Variants in FAF1 observed in about 807,000 individuals in gnomAD.
FAF1 encodes the protein Fas associated factor 1, also known as FAS-associated factor 1.
In FAF1, 25 loss-of-function variants were observed where a neutral mutation model predicts 92.5. The observed-to-expected ratio is 0.27, with a 90% CI of 0.20 to 0.38. The LOEUF (loss-of-function observed/expected upper bound fraction) is 0.38. Ranked by LOEUF, FAF1 falls within the 10% of genes least tolerant of loss-of-function variation. FAF1 has a pLI of 1.00. For synonymous variants in FAF1, 234 were observed against 273.2 expected (o/e 0.86, Z 1.42); for missense variants, 636 against 793.3 (o/e 0.80, Z 2.38).
intron 2 of FAF1, among the ~76,000 whole-genome samples, chr1:50,815,427 A>C (rs1052763841): frequency 1.3e-4 from 20 of 152,158 alleles, no homozygotes; most frequent in Non-Finnish European, 2.6e-4. Flanking sequence ...ATAATATCCC[A>C]TGGTGTATAT....
rs972062936 is a variant in FAF1, at chr1:50,440,570, G to A, written c.*870C>T. ...AGTGACAAGGTCCAAATGTGTGAGG[G>A]AGTAGAGAGAGAGAAAGCAAGAGAG... On this transcript the variant is annotated 3_prime_UTR_variant, in exon 19 of 19. Transcript: ENST00000396153. The A allele has an allele frequency of 6.6e-6, 1 of 152,266 alleles. No individual in the cohort carries two copies. Among genetic ancestry groups the A allele is most frequent in the African/African-American group, 2.4e-5 (1 of 41,472 alleles). The allele number at this position is 152,266 out of a possible 1,614,324, so 9.4% of individuals were successfully genotyped here.
At chr1:50,604,996 A>T (rs1172893858) in intron 8 of FAF1, among the ~76,000 whole-genome samples, 1 of 152,200 alleles carries the variant, frequency 6.6e-6, no homozygotes, top group Non-Finnish European at 1.5e-5. Flanking sequence ...GACTCTCAAA[A>T]TCAAGGAGAA....
intron 1 of FAF1, among the ~76,000 whole-genome samples, chr1:50,879,393 T>A (rs1325490347): frequency 6.6e-6 from 1 of 152,192 alleles, no homozygotes; most frequent in Non-Finnish European, 1.5e-5. Context: ...GATGACCATA[T>A]ATTCCCTATA....
intron 15 of FAF1, among the ~76,000 whole-genome samples, chr1:50,498,363 T>C (rs1051937597): frequency 6.6e-6 from 1 of 152,312 alleles, no homozygotes; most frequent in Non-Finnish European, 1.5e-5. Context: ...ATGATTTCTT[T>C]AGTACGTCAT....
At chr1:50,887,266 C>T (rs1644674223) in intron 1 of FAF1, among the ~76,000 whole-genome samples, 1 of 152,146 alleles carries the variant, frequency 6.6e-6, no homozygotes, top group African/African-American at 2.4e-5. Flanking sequence ...TTTGTAGGTT[C>T]TGGATATTAG....
intron 8 of FAF1, among the ~76,000 whole-genome samples, chr1:50,633,295 A>G (rs1245775047): frequency 6.6e-6 from 1 of 152,202 alleles, no homozygotes; most frequent in Admixed American, 6.5e-5. Context: ...GCGAACATGT[A>G]TTGATTCTTT....
At chr1:50,584,889 A>G in intron 9 of FAF1, 78 bp from the exon 10 acceptor site, 1 of 1,298,528 alleles carries the variant, frequency 7.7e-7, no homozygotes, top group Non-Finnish European at 1.1e-6. Context: ...AATAATAACA[A>G]CAGGACATAA....
At chr1:50,452,029 G>GACAATAT in intron 18 of FAF1, 1 of 1,279,040 alleles carries the variant, frequency 7.8e-7, no homozygotes, top group Non-Finnish European at 1.0e-6. Context: ...TATAAGTGGG[G>GACAATAT]AAGGCCCAGA....
intron 8 of FAF1, among the ~76,000 whole-genome samples, chr1:50,639,091 C>T (rs1440044587): frequency 6.6e-6 from 1 of 152,150 alleles, no homozygotes; most frequent in Non-Finnish European, 1.5e-5. Flanking sequence ...AGTCTTTGTG[C>T]CTGTCATCAT....
intron 17 of FAF1, among the ~76,000 whole-genome samples, chr1:50,481,569 A>G (rs563709745): frequency 1.5e-4 from 23 of 152,296 alleles, no homozygotes; most frequent in African/African-American, 5.1e-4. Flanking sequence ...ATGTTTGTGT[A>G]AGTAAAGTCT....
At chr1:50,831,145 T>A (rs1355184928) in intron 2 of FAF1, among the ~76,000 whole-genome samples, 1 of 151,936 alleles carries the variant, frequency 6.6e-6, no homozygotes, top group Non-Finnish European at 1.5e-5. Context: ...ATTTTTTTTT[T>A]AAAGTTCCTA....
intron 8 of FAF1, among the ~76,000 whole-genome samples, chr1:50,624,897 C>CT (rs34177866): frequency 0.066 from 8,256 of 124,714 alleles, 413 homozygotes; most frequent in Non-Finnish European, 0.091. Flanking sequence ...ATCCCACACT[C>CT]TTTTTTTTTT....
intron 7 of FAF1, among the ~76,000 whole-genome samples, chr1:50,690,657 A>T (rs1301438289): frequency 1.3e-5 from 2 of 152,168 alleles, no homozygotes; most frequent in South Asian, 2.1e-4. Flanking sequence ...TTATTTGAAG[A>T]AGTTTAATAT....
chr1:50,689,558 T>C (rs1284381167), intron 7 of FAF1, among the ~76,000 whole-genome samples: 1 of 152,156 alleles, frequency 6.6e-6, no homozygotes, highest in Non-Finnish European at 1.5e-5. Context: ...CACTCCAGCC[T>C]GGGCGACAGA....
chr1:50,807,339 G>C (rs1662244401), intron 2 of FAF1, among the ~76,000 whole-genome samples: 1 of 152,250 alleles, frequency 6.6e-6, no homozygotes, highest in Non-Finnish European at 1.5e-5. Flanking sequence ...TCCACAGGCT[G>C]TATAGAAGGC....
intron 2 of FAF1, among the ~76,000 whole-genome samples, chr1:50,839,521 A>G (rs938366480): frequency 8.5e-5 from 13 of 152,208 alleles, no homozygotes; most frequent in African/African-American, 3.1e-4. Flanking sequence ...TAAAAGCAAT[A>G]AAGAAAGGGC....
intron 18 of FAF1, among the ~76,000 whole-genome samples, chr1:50,465,148 G>T (rs973350143): frequency 6.6e-6 from 1 of 152,176 alleles, no homozygotes; most frequent in Non-Finnish European, 1.5e-5. Flanking sequence ...CTCTGCCACT[G>T]CTTGGCTACG....
chr1:50,831,783 A>G (rs1402466935), intron 2 of FAF1, among the ~76,000 whole-genome samples: 1 of 149,502 alleles, frequency 6.7e-6, no homozygotes, highest in East Asian at 1.9e-4. Flanking sequence ...CCTAGAACCC[A>G]TAAGAGTATC....
chr1:50,946,713 A>ATTAG (rs985301611), intron 1 of FAF1, among the ~76,000 whole-genome samples: 1 of 152,246 alleles, frequency 6.6e-6, no homozygotes, highest in African/African-American at 2.4e-5. Context: ...TCACAGCAAT[A>ATTAG]TTAGTAGTCA....
Sources: gnomAD v4.1 joint callset for allele counts (sites outside exome capture counted in the v4.1 genomes callset) on GRCh38, gnomAD v4.1.1 for gene constraint, MANE v1.5 for transcripts, NCBI Gene and HGNC (gene_info 2026-07-23, HGNC 2026-07-21) for gene names.